CNTNAP2: variants seen among roughly 807,000 people sequenced by gnomAD.
CNTNAP2 encodes the protein contactin associated protein 2, also known as contactin-associated protein-like 2.
In CNTNAP2, 98 loss-of-function variants were observed where a neutral mutation model predicts 155.2. The observed-to-expected ratio is 0.63, with a 90% CI of 0.54 to 0.75. The LOEUF (loss-of-function observed/expected upper bound fraction) is 0.75, where lower values mean the gene tolerates loss of function less well. Ranked by LOEUF, CNTNAP2 falls within the 30% of genes least tolerant of loss-of-function variation. CNTNAP2 has a pLI of 0.00. For synonymous variants in CNTNAP2, 651 were observed against 631.2 expected, an observed-to-expected ratio of 1.03 and a Z score of -0.47; for missense variants, 1,727 against 1,688.1, an observed-to-expected ratio of 1.02 and a Z score of -0.40.
intron 20 of CNTNAP2, among the ~76,000 whole-genome samples, chr7:148,247,290 T>C (rs897416297): frequency 6.6e-6 from 1 of 152,132 alleles, no homozygotes; most frequent in East Asian, 1.9e-4. Flanking sequence ...TTTAAATATA[T>C]TTATTATAGA....
At chr7:147,012,698 A>G (rs187204502) in intron 3 of CNTNAP2, among the ~76,000 whole-genome samples, 35 of 152,288 alleles carry the variant, frequency 2.3e-4, no homozygotes, top group African/African-American at 8.4e-4. Flanking sequence ...TTAGGCTTAG[A>G]AATATCTTTG....
At chr7:146,152,598 A>G (rs561472770) in intron 1 of CNTNAP2, among the ~76,000 whole-genome samples, 7 of 152,242 alleles carry the variant, frequency 4.6e-5, no homozygotes, top group African/African-American at 1.4e-4. Context: ...CCATGTATAT[A>G]TATTTAGAAC....
intron 3 of CNTNAP2, 70 bp downstream of exon 3, chr7:146,839,974 C>G: frequency 6.6e-7 from 1 of 1,511,460 alleles, no homozygotes; most frequent in East Asian, 2.3e-5. Flanking sequence ...ACAGGATTTA[C>G]TAAGCATATA....
chr7:147,422,659 T>C (rs1017221047), intron 10 of CNTNAP2, among the ~76,000 whole-genome samples: 2 of 152,052 alleles, frequency 1.3e-5, no homozygotes, highest in Non-Finnish European at 2.9e-5. Context: ...AAGCAGAAAA[T>C]AGTCACAGAT....
At chr7:146,564,766 ATCT>A (rs1317474540) in intron 1 of CNTNAP2, among the ~76,000 whole-genome samples, 1 of 151,698 alleles carries the variant, frequency 6.6e-6, no homozygotes, top group Non-Finnish European at 1.5e-5. Context: ...TTAGATTTAG[ATCT>A]TCTTTCTTTC....
intron 19 of CNTNAP2, among the ~76,000 whole-genome samples, chr7:148,226,934 C>T (rs188136784): frequency 5.3e-5 from 8 of 152,366 alleles, no homozygotes; most frequent in Admixed American, 5.2e-4. Context: ...CAGTCTCTCC[C>T]TCTGCCTTAA....
At chr7:147,397,916 A>C (rs952185084) in intron 10 of CNTNAP2, among the ~76,000 whole-genome samples, 4 of 152,090 alleles carry the variant, frequency 2.6e-5, no homozygotes, top group Non-Finnish European at 5.9e-5. Flanking sequence ...CACCTGTGAC[A>C]CATCTCCACG....
intron 1 of CNTNAP2, among the ~76,000 whole-genome samples, chr7:146,152,767 G>A (rs952058970): frequency 2.6e-5 from 4 of 152,018 alleles, no homozygotes; most frequent in African/African-American, 4.8e-5. Flanking sequence ...TGATGAACAC[G>A]AAGTACTTAA....
chr7:148,112,874 A>C (rs1176328950), intron 15 of CNTNAP2, among the ~76,000 whole-genome samples: 1 of 152,070 alleles, frequency 6.6e-6, no homozygotes, highest in East Asian at 1.9e-4. Context: ...TTTTTAAAAA[A>C]AAATACAGCT....
At chr7:146,790,289 T>C (rs1444964465) in intron 2 of CNTNAP2, among the ~76,000 whole-genome samples, 5 of 152,222 alleles carry the variant, frequency 3.3e-5, no homozygotes, top group Non-Finnish European at 5.9e-5. Context: ...AAAATACTTT[T>C]GGTTTTTAAT....
At chr7:147,756,586 A>G (rs1294509112) in intron 13 of CNTNAP2, among the ~76,000 whole-genome samples, 2 of 152,234 alleles carry the variant, frequency 1.3e-5, no homozygotes, top group Non-Finnish European at 2.9e-5. Context: ...TGAGTGAATT[A>G]ATCATCATTA....
intron 1 of CNTNAP2, among the ~76,000 whole-genome samples, chr7:146,397,297 C>T (rs528404871): frequency 2.6e-5 from 4 of 152,226 alleles, no homozygotes; most frequent in South Asian, 2.1e-4. Flanking sequence ...ATACATTTCC[C>T]GGAGACCACA....
intron 11 of CNTNAP2, among the ~76,000 whole-genome samples, chr7:147,486,418 G>A (rs924671524): frequency 6.6e-6 from 1 of 152,084 alleles, no homozygotes; most frequent in Non-Finnish European, 1.5e-5. Context: ...TAATTAATCC[G>A]AGAGGGAGAC....
At chr7:148,055,941 C>T (rs1003958578) in intron 15 of CNTNAP2, among the ~76,000 whole-genome samples, 2 of 152,268 alleles carry the variant, frequency 1.3e-5, no homozygotes, top group East Asian at 1.9e-4. Context: ...GGGGCTCATT[C>T]CTTAGGCCGT....
intron 3 of CNTNAP2, among the ~76,000 whole-genome samples, chr7:146,954,372 A>C (rs1300769379): frequency 6.6e-6 from 1 of 151,948 alleles, no homozygotes; most frequent in Non-Finnish European, 1.5e-5. Context: ...TGGCTCATTA[A>C]ACATGGAAAG....
intron 13 of CNTNAP2, among the ~76,000 whole-genome samples, chr7:147,763,927 G>A (rs975940552): frequency 6.6e-6 from 1 of 152,174 alleles, no homozygotes; most frequent in Admixed American, 6.6e-5. Context: ...CTGATAAGGT[G>A]CGTGCCATTC....
At chr7:147,433,167 G>A (rs914986231) in intron 10 of CNTNAP2, among the ~76,000 whole-genome samples, 5 of 152,120 alleles carry the variant, frequency 3.3e-5, no homozygotes, top group South Asian at 2.1e-4. Flanking sequence ...GTGTCGTGAC[G>A]CCTCTTTTAT....
chr7:147,155,661 A>G (rs1246960470), intron 8 of CNTNAP2, among the ~76,000 whole-genome samples: 3 of 152,308 alleles, frequency 2.0e-5, no homozygotes, highest in East Asian at 3.9e-4. Context: ...ATAATATATG[A>G]CATGTATTGT....
chr7:146,756,642 C>T (rs895253797), intron 1 of CNTNAP2, among the ~76,000 whole-genome samples: 14 of 151,956 alleles, frequency 9.2e-5, no homozygotes, highest in South Asian at 2.1e-4. Flanking sequence ...TTCACCAAAT[C>T]GAAAACTGAG....
Sources: allele counts gnomAD v4.1 joint callset (sites outside exome capture counted in the v4.1 genomes callset), GRCh38; gene constraint gnomAD v4.1.1; transcripts MANE v1.5; gene names NCBI Gene and HGNC (gene_info 2026-07-23, HGNC 2026-07-21).